SYCP2: variants seen among roughly 807,000 people sequenced by gnomAD.
SYCP2 encodes the protein synaptonemal complex lateral element protein.
Under a neutral mutation model 211.3 loss-of-function variants are expected in SYCP2, and 55 were observed. The observed-to-expected ratio is 0.26, with a 90% CI of 0.21 to 0.33. SYCP2 has a LOEUF of 0.33. Among genes scored for constraint, SYCP2 ranks in the 10% least tolerant of loss-of-function variants. The pLI is 1.00. For missense variants in SYCP2, 1,731 were observed against 1,752.0 expected (o/e 0.99, Z 0.21); for synonymous variants, 570 against 555.2 (o/e 1.03, Z -0.37).
chr20:59,867,189 G>T (rs551696506), intron 39 of SYCP2, among the ~76,000 whole-genome samples: 122 of 114,868 alleles, frequency 1.1e-3, no homozygotes, highest in Middle Eastern at 8.1e-3. Context: ...AAAAACTATC[G>T]ATTCCAAATA....
intron 18 of SYCP2, among the ~76,000 whole-genome samples, chr20:59,899,274 C>CA (rs1003607473): frequency 9.3e-5 from 14 of 150,958 alleles, no homozygotes; most frequent in Middle Eastern, 3.4e-3. Context: ...AGCATATTGC[C>CA]AAAAAAAATG....
At chr20:59,889,111 A>G (rs75038153) in intron 24 of SYCP2, among the ~76,000 whole-genome samples, 2,943 of 152,124 alleles carry the variant, frequency 0.019, 42 homozygotes, top group Middle Eastern at 0.041. Context: ...GCACAGGGGA[A>G]TGGTATGGCA....
At chr20:59,865,990 A>G in intron 41 of SYCP2, 125 bp from the exon 42 acceptor site, 1 of 452,918 alleles carries the variant, frequency 2.2e-6, no homozygotes, top group Non-Finnish European at 3.8e-6. Context: ...CTATTATTAC[A>G]AATTTAAATA....
At chr20:59,909,792 AAAC>A (rs1263599476) in intron 14 of SYCP2, among the ~76,000 whole-genome samples, 2 of 152,236 alleles carry the variant, frequency 1.3e-5, no homozygotes, top group South Asian at 2.1e-4. Context: ...AGCAGACAAC[AAAC>A]AACAAATAAA....
chr20:59,888,958 G>C (rs1207677357), intron 24 of SYCP2, among the ~76,000 whole-genome samples: 1 of 151,930 alleles, frequency 6.6e-6, no homozygotes, highest in African/African-American at 2.4e-5. Flanking sequence ...ACAAAAGTCT[G>C]ATGAAAGAAA....
rs1253264274 is a variant in SYCP2, at chr20:59,911,804, A to T, written c.918T>A (p.Ile306=). Residue 306 remains isoleucine, a synonymous_variant, in exon 14 of 45, where the codon ATT becomes ATA. Coordinates refer to ENST00000357552, the MANE Select transcript of SYCP2 (RefSeq NM_014258.4). ...PSDEKLEEFW[I]DFNLGSQTLS... is the part of the protein sequence containing the mutation. The stretch of plus-strand genomic sequence containing the variant: ...GAGTCTGACTCCCAAGATTAAAATC[A>T]ATCCAAAATTCCTCAAGTTTTTCAT... 2 of 1,591,210 alleles carry T rather than the reference A, an allele frequency of 1.3e-6. No individual in the cohort carries two copies. The highest frequency in any genetic ancestry group is 1.7e-6 in the Non-Finnish European group (2 of 1,166,972).
At chr20:59,905,334 A>G (rs780101727) in intron 15 of SYCP2, among the ~76,000 whole-genome samples, 1 of 152,218 alleles carries the variant, frequency 6.6e-6, no homozygotes, top group Non-Finnish European at 1.5e-5. Flanking sequence ...AGCATTTCAT[A>G]ATAGCTAAAA....
chr20:59,919,810 T>C (rs2060507807), intron 5 of SYCP2, among the ~76,000 whole-genome samples: 1 of 151,710 alleles, frequency 6.6e-6, no homozygotes, highest in Non-Finnish European at 1.5e-5. Flanking sequence ...ATGAAGTTAA[T>C]TTTGATTCCA....
intron 31 of SYCP2, among the ~76,000 whole-genome samples, chr20:59,878,638 G>A (rs897099746): frequency 4.6e-5 from 7 of 151,882 alleles, no homozygotes; most frequent in Non-Finnish European, 8.8e-5. Context: ...GAAATCTGCA[G>A]GTCTTAGTTA....
intron 35 of SYCP2, 24 bp from the exon 36 acceptor site, chr20:59,870,007 C>T (rs2059420380): frequency 2.0e-6 from 3 of 1,483,942 alleles, no homozygotes; most frequent in Admixed American, 2.0e-5. Context: ...CATACAAAAA[C>T]CCAATAAGAA....
Position 59,895,528 on chromosome 20 carries a change from A to G in SYCP2, c.1574T>C (p.Val525Ala). The G allele has an allele frequency of 6.2e-7, 1 of 1,611,966 alleles. No homozygotes were observed. Among genetic ancestry groups the G allele is most frequent in the Non-Finnish European group, 8.5e-7 (1 of 1,178,442 alleles). ...QMTSSAEKPS[V>A]SQTSENRVDN... ...CACTCTATTTTCTGATGTTTGAGAA[A>G]CACTAGGTTTCTCTGCAGAGCTCGT... is the stretch of plus-strand genomic sequence containing the variant. Residue 525 changes from valine to alanine, a missense_variant, in exon 20 of 45, where the codon GTT becomes GCT. By Grantham distance (64) the Val-to-Ala change is moderately conservative. Transcript: ENST00000357552.
chr20:59,902,688 A>G (rs1032642657), intron 15 of SYCP2, among the ~76,000 whole-genome samples: 3 of 152,136 alleles, frequency 2.0e-5, no homozygotes, highest in African/African-American at 4.8e-5. Context: ...GGCCTGCCCA[A>G]GCAGAAAATG....
In SYCP2 at chr20:59,893,172, G is replaced by T; in HGVS notation, c.1763C>A (p.Ser588Ter). ...ATGATCTCTTTTTTCCGCTGCCTGT[G>T]AATCTGGTATAACATCCTGGAGTTC... is the stretch of plus-strand genomic sequence containing the variant. ...FSELQDVIPD[S>*]QAAEKRDHTI... is the part of the protein sequence containing the mutation. The change falls in exon 22 of 45, where the codon TCA (serine) becomes TAA (stop). Residue 588 changes from serine (S) to a stop codon, truncating the protein, a stop_gained. Coordinates refer to ENST00000357552, the MANE Select transcript of SYCP2 (RefSeq NM_014258.4). LOFTEE classifies it high-confidence loss of function. 6.2e-7 allele frequency: 1 copy of T among 1,603,676 alleles called. No individual in the cohort carries two copies.
chr20:59,873,799 A>G (rs1470603497), intron 35 of SYCP2, 57 bp downstream of exon 35: 20 of 1,426,058 alleles, frequency 1.4e-5, no homozygotes, highest in Admixed American at 4.5e-5. Context: ...GATAGGGAAA[A>G]TAACTTACTA....
intron 4 of SYCP2, among the ~76,000 whole-genome samples, chr20:59,920,778 G>C (rs772824847): frequency 1.3e-5 from 2 of 151,532 alleles, no homozygotes; most frequent in Non-Finnish European, 3.0e-5. Flanking sequence ...AAAGCTCCAT[G>C]TATTTAACTA....
intron 41 of SYCP2, 102 bp from the exon 42 acceptor site, chr20:59,865,967 AATTACTCTATTTCTATT>A (rs1286591835): frequency 2.0e-6 from 1 of 497,274 alleles, no homozygotes; most frequent in East Asian, 3.5e-5. Flanking sequence ...CCAACAGTAG[AATTACTCTATTTCTATT>A]ATTACAAATT....
chr20:59,924,118 C>T (rs2060590904), intron 2 of SYCP2, among the ~76,000 whole-genome samples: 1 of 151,766 alleles, frequency 6.6e-6, no homozygotes, highest in South Asian at 2.1e-4. Flanking sequence ...CCTCTCTATA[C>T]CAAAAGAGAA....
rs780036034 is a variant in SYCP2 at position 59,868,464 on chromosome 20, G to T, written c.3937C>A (p.Leu1313Ile). Residue 1313 changes from leucine to isoleucine, a missense_variant, in exon 38 of 45, where the codon CTT becomes ATT. Coordinates refer to ENST00000357552, the MANE Select transcript of SYCP2 (RefSeq NM_014258.4). ...EEKGERRANL[L>I]PKKLCKIEDA... is the part of the protein sequence containing the mutation. ...TCAATTTTACACAGTTTTTTGGGAA[G>T]CAAGTTTGCTCTCCTTTCTCCTTTC... 1 of 1,611,300 alleles carries T rather than the reference G, an allele frequency of 6.2e-7. No homozygotes were observed. The highest frequency in any genetic ancestry group is 2.2e-5 in the East Asian group (1 of 44,736).
At chr20:59,879,083 T>C (rs11086684) in intron 31 of SYCP2, among the ~76,000 whole-genome samples, 2,950 of 152,164 alleles carry the variant, frequency 0.019, 42 homozygotes, top group Middle Eastern at 0.041. Context: ...TTCTACTTTA[T>C]GTTATAAATG....
Sources: allele counts gnomAD v4.1 joint callset (sites outside exome capture counted in the v4.1 genomes callset), GRCh38; gene constraint gnomAD v4.1.1; transcripts MANE v1.5; gene names NCBI Gene and HGNC (gene_info 2026-07-23, HGNC 2026-07-21).